The following SPIN1 variants were observed in gnomAD, a reference collection of about 807,000 sequenced individuals.
The protein encoded by SPIN1 is spindlin 1.
A neutral mutation model predicts 26.0 loss-of-function variants in SPIN1; 3 were observed. The ratio of observed to expected loss-of-function variants is 0.12; its 90% CI spans 0.05 to 0.30. SPIN1 has a LOEUF of 0.30. Ranked by LOEUF, SPIN1 falls within the 10% of genes least tolerant of loss-of-function variation. SPIN1 has a pLI of 1.00. For missense variants in SPIN1, 126 were observed against 333.4 expected (o/e 0.38, Z 4.84); for synonymous variants, 101 against 116.5 (o/e 0.87, Z 0.86).
intron 2 of SPIN1, among the ~76,000 whole-genome samples, chr9:88,442,073 T>TC (rs1372422063): frequency 3.3e-5 from 5 of 151,040 alleles, no homozygotes; most frequent in Non-Finnish European, 5.9e-5. Context: ...TGCCTCAGCC[T>TC]CCCAAGTAGC....
intron 3 of SPIN1, among the ~76,000 whole-genome samples, chr9:88,459,950 C>G (rs1261351152): frequency 6.6e-6 from 1 of 152,136 alleles, no homozygotes; most frequent in African/African-American, 2.4e-5. Context: ...TAGAGTGTTG[C>G]TGTCAAATTC....
At chr9:88,405,884 G>A (rs1041106784) in intron 1 of SPIN1, among the ~76,000 whole-genome samples, 1 of 151,950 alleles carries the variant, frequency 6.6e-6, no homozygotes, top group African/African-American at 2.4e-5. Flanking sequence ...GGCCAAGGCT[G>A]GAGTGCAGTG....
chr9:88,474,980 A>T (rs1212854855), intron 5 of SPIN1, 98 bp from the exon 6 acceptor site: 1 of 1,242,328 alleles, frequency 8.0e-7, no homozygotes, highest in East Asian at 2.6e-5. Flanking sequence ...ATTTTTTTTA[A>T]GTTATGAAAA....
At chr9:88,400,241 G>A (rs950561953) in intron 1 of SPIN1, among the ~76,000 whole-genome samples, 3 of 152,184 alleles carry the variant, frequency 2.0e-5, no homozygotes, top group East Asian at 1.9e-4. Flanking sequence ...AGAAAGGTAT[G>A]CTGCACTCTA....
intron 1 of SPIN1, among the ~76,000 whole-genome samples, chr9:88,402,740 T>C (rs907347939): frequency 2.0e-5 from 3 of 152,230 alleles, no homozygotes; most frequent in Admixed American, 1.3e-4. Flanking sequence ...TCTATATCTT[T>C]GCTTTTGTAA....
intron 5 of SPIN1, among the ~76,000 whole-genome samples, chr9:88,471,276 G>A (rs999929976): frequency 3.3e-5 from 5 of 151,890 alleles, no homozygotes; most frequent in Non-Finnish European, 5.9e-5. Context: ...TGTGGTTCAA[G>A]TTAAGGGTCC....
chr9:88,452,325 AG>A (rs1828370369), intron 3 of SPIN1, among the ~76,000 whole-genome samples: 1 of 152,226 alleles, frequency 6.6e-6, no homozygotes, highest in Non-Finnish European at 1.5e-5. Flanking sequence ...CAAATAGGAC[AG>A]TCTGATTCCA....
At chr9:88,444,263 CAG>C (rs1828198995) in intron 2 of SPIN1, among the ~76,000 whole-genome samples, 1 of 113,286 alleles carries the variant, frequency 8.8e-6, no homozygotes, top group African/African-American at 3.6e-5. Flanking sequence ...TTTTTTGAGA[CAG>C]AGTCTCGCTC....
At chr9:88,440,323 T>G (rs182377041) in intron 2 of SPIN1, among the ~76,000 whole-genome samples, 2 of 151,692 alleles carry the variant, frequency 1.3e-5, no homozygotes, top group Non-Finnish European at 2.9e-5. Flanking sequence ...TTTTAATTTT[T>G]TTTTTAATTT....
chr9:88,390,366 G>A (rs937040536), intron 1 of SPIN1, among the ~76,000 whole-genome samples: 4 of 152,196 alleles, frequency 2.6e-5, no homozygotes, highest in Admixed American at 1.3e-4. Flanking sequence ...TTCGTGGGTA[G>A]TGTCTCAAAT....
intron 1 of SPIN1, chr9:88,410,512 T>G (rs1281202258): frequency 6.4e-6 from 5 of 783,890 alleles, no homozygotes; most frequent in Non-Finnish European, 9.1e-6. Context: ...CCTCTCCTGC[T>G]AAGCTTTGTT....
At chr9:88,444,233 C>G (rs1039087776) in intron 2 of SPIN1, among the ~76,000 whole-genome samples, 2 of 144,796 alleles carry the variant, frequency 1.4e-5, no homozygotes, top group African/African-American at 5.3e-5. Context: ...GCCTCTTGTT[C>G]CCATTTTTTT....
chr9:88,429,716 A>G (rs551261378), intron 2 of SPIN1, among the ~76,000 whole-genome samples: 8 of 152,252 alleles, frequency 5.3e-5, no homozygotes, highest in African/African-American at 1.9e-4. Context: ...TTGTGTAGGC[A>G]TGATTGATTA....
intron 1 of SPIN1, among the ~76,000 whole-genome samples, chr9:88,390,141 G>C (rs529448721): frequency 6.6e-6 from 1 of 152,276 alleles, no homozygotes; most frequent in East Asian, 1.9e-4. Context: ...GTTATGAACT[G>C]GGTCAAGGCA....
At chr9:88,389,649 T>G (rs2099864587) in intron 1 of SPIN1, among the ~76,000 whole-genome samples, 2 of 151,758 alleles carry the variant, frequency 1.3e-5, no homozygotes, top group East Asian at 1.9e-4. Flanking sequence ...TCTTAAAGGA[T>G]TTCACTCTAC....
intron 2 of SPIN1, among the ~76,000 whole-genome samples, chr9:88,440,705 A>G (rs1828104677): frequency 6.6e-6 from 1 of 150,720 alleles, no homozygotes; most frequent in Admixed American, 6.6e-5. Flanking sequence ...CAGCCTCCCC[A>G]GTAGCTGGGA....
chr9:88,420,525 A>G (rs1379826118), intron 1 of SPIN1, among the ~76,000 whole-genome samples: 1 of 152,262 alleles, frequency 6.6e-6, no homozygotes, highest in Non-Finnish European at 1.5e-5. Flanking sequence ...GGCAGAAAAC[A>G]AATTTAACAG....
chr9:88,461,579 A>G (rs1828577316), intron 3 of SPIN1, among the ~76,000 whole-genome samples: 1 of 152,180 alleles, frequency 6.6e-6, no homozygotes, highest in Non-Finnish European at 1.5e-5. Context: ...TATATGTCAG[A>G]TATTAATCAC....
At chr9:88,409,900 C>T (rs1827400382) in intron 1 of SPIN1, among the ~76,000 whole-genome samples, 1 of 151,904 alleles carries the variant, frequency 6.6e-6, no homozygotes, top group Non-Finnish European at 1.5e-5. Context: ...CTTTTCCCTC[C>T]TTCTTAAGTT....
Sources: gnomAD v4.1 joint callset for allele counts (sites outside exome capture counted in the v4.1 genomes callset) on GRCh38, gnomAD v4.1.1 for gene constraint, MANE v1.5 for transcripts, NCBI Gene and HGNC (gene_info 2026-07-23, HGNC 2026-07-21) for gene names.